The following KIF21B variants were observed in gnomAD, a reference collection of about 807,000 sequenced individuals.
KIF21B encodes kinesin-like protein KIF21B.
A neutral mutation model predicts 192.9 loss-of-function variants in KIF21B; 85 were observed. That is an observed-to-expected ratio of 0.44 (90% CI 0.37 to 0.53). The LOEUF (loss-of-function observed/expected upper bound fraction) is 0.53, where lower values mean the gene tolerates loss of function less well. KIF21B is among the 20% of genes least tolerant of loss of function. The pLI is 0.00. For synonymous variants in KIF21B, 832 were observed against 884.6 expected, an observed-to-expected ratio of 0.94 and a Z score of 1.05; for missense variants, 1,716 against 2,194.8, an observed-to-expected ratio of 0.78 and a Z score of 4.36.
At position 200,975,495 on chromosome 1, in the gene KIF21B, C is replaced by A; in HGVS notation, c.4614+4G>T. 1 of 1,607,938 alleles carries A rather than the reference C, an allele frequency of 6.2e-7. No homozygotes were observed. The highest frequency in any genetic ancestry group is 8.5e-7 in the Non-Finnish European group (1 of 1,175,244). Reference sequence around the variant, plus strand: ...CTACCCTCTCCCTTTCCTCCTGACCCCACCTGGATGAGCTCCTGCTGGTCT... The same window carrying A: ...CTACCCTCTCCCTTTCCTCCTGACCACACCTGGATGAGCTCCTGCTGGTCT... On this transcript the variant is annotated splice_donor_region_variant and intron_variant, in intron 33 of 34. Coordinates refer to ENST00000461742, the MANE Select transcript of KIF21B (RefSeq NM_001252102.2). This position sits in a 1 kb window ranked among gnomAD's most constrained non-coding sequence, Gnocchi z 4.3.
In KIF21B at chr1:200,990,412, C is replaced by A; in HGVS notation, c.2836-80G>T. The A allele has an allele frequency of 6.7e-7, 1 of 1,495,086 alleles. No individual in the cohort carries two copies. The highest frequency in any genetic ancestry group is 1.2e-5 in the South Asian group (1 of 80,102). 92.6% of individuals were successfully genotyped at this position (1,495,086 alleles called of 1,614,324 possible). ...GCCAAGCCCTGCCCATAGCTTCCAC[C>A]ACAGGCTGGCCTGTGAGGTCCCCCC... On this transcript the variant is annotated intron_variant, in intron 19 of 34. Transcript: ENST00000461742. The surrounding 1 kb of genome is among the most constrained non-coding windows in gnomAD (Gnocchi z 5.4).
chr1:200,996,275 C>T lies in KIF21B; in HGVS notation c.2198G>A (p.Arg733Gln), dbSNP rs770880854. The T allele has an allele frequency of 3.1e-6, 5 of 1,614,118 alleles. No individual in the cohort carries two copies. Among genetic ancestry groups the T allele is most frequent in the East Asian group, 2.2e-5 (1 of 44,886 alleles). ...KLQAAQKEHA[R>Q]LLKNQSRYER... ...GTAGCGCGACTGGTTCTTAAGCAGC[C>T]GGGCGTGCTCTTTCTGGGCGGCCTG... The change falls in exon 15 of 35, where the codon CGG (arginine) becomes CAG (glutamine). Residue 733 changes from arginine to glutamine, a missense_variant. Arg to Gln is a conservative substitution (Grantham distance 43). Coordinates refer to ENST00000461742, the MANE Select transcript of KIF21B (RefSeq NM_001252102.2).
Position 200,979,526 on chromosome 1 carries a change from G to C in KIF21B, c.4160+9C>G. ...GCCGACCACTGTGAGGCAGGCGGGG[G>C]TTACTCACGTGAGAGTCCGAATGCA... is the stretch of plus-strand genomic sequence containing the variant. On this transcript the variant is annotated intron_variant, in intron 30 of 34. Coordinates refer to ENST00000461742, the MANE Select transcript of KIF21B (RefSeq NM_001252102.2). 1 of 1,523,200 alleles carries C rather than the reference G, an allele frequency of 6.6e-7. No homozygotes were observed. The highest frequency in any genetic ancestry group is 8.8e-7 in the Non-Finnish European group (1 of 1,132,356). The allele number at this position is 1,523,200 out of a possible 1,614,324, so 94.4% of individuals were successfully genotyped here. A position where few individuals can be genotyped will look rare whatever the true frequency, so the allele number is the denominator to read the frequency against.
At chr1:201,012,802 C>T (rs912946317) in intron 1 of KIF21B, among the ~76,000 whole-genome samples, 3 of 152,122 alleles carry the variant, frequency 2.0e-5, no homozygotes, top group Non-Finnish European at 4.4e-5. Context: ...CACCATCATG[C>T]CCATCTAATT....
At position 200,969,661 on chromosome 1, in the gene KIF21B, C is replaced by T. The variant is rs746674263; in HGVS notation, c.*3860G>A. 4 of 152,512 alleles carry T rather than the reference C, an allele frequency of 2.6e-5. No homozygotes were observed. The highest frequency in any genetic ancestry group is 4.4e-5 in the Non-Finnish European group (3 of 68,090). The allele number at this position is 152,512 out of a possible 1,614,324, so 9.4% of individuals were successfully genotyped here. A position where few individuals can be genotyped will look rare whatever the true frequency, so the allele number is the denominator to read the frequency against. ...CATCTCAGGGGTCTTCTCTGATCCT[C>T]GGCTCTTTGTGGAGGAGTTTCTATT... is the stretch of plus-strand genomic sequence containing the variant. On this transcript the variant is annotated 3_prime_UTR_variant, in exon 35 of 35. Coordinates refer to ENST00000461742, the MANE Select transcript of KIF21B (RefSeq NM_001252102.2).
chr1:200,988,213 G>T, intron 24 of KIF21B, 83 bp downstream of exon 24: 1 of 1,316,790 alleles, frequency 7.6e-7, no homozygotes, highest in Non-Finnish European at 1.1e-6. Context: ...GCTGAGGGTG[G>T]AGCAGAGCCA....
rs1656721812 is a variant in KIF21B, at chr1:200,991,837, C to T, written c.2386-112G>A. On this transcript the variant is annotated intron_variant, in intron 16 of 34. Transcript: ENST00000461742. ...AAAGCCTGGGCTTCAGGGTGATTCT[C>T]ATGCAGCCAAACTCTTGATAAAGTG... 1.5e-5 allele frequency: 16 copies of T among 1,096,308 alleles called. No individual in the cohort carries two copies. In the South Asian group the frequency reaches 2.3e-4, roughly 15 times the overall value. 67.9% of individuals were successfully genotyped at this position (1,096,308 alleles called of 1,614,324 possible). A position where few individuals can be genotyped will look rare whatever the true frequency, so the allele number is the denominator to read the frequency against.
At chr1:201,018,189 G>C (rs563192405) in intron 1 of KIF21B, among the ~76,000 whole-genome samples, 1 of 152,332 alleles carries the variant, frequency 6.6e-6, no homozygotes, top group African/African-American at 2.4e-5. Context: ...TCCGCCCTTT[G>C]GTGTGTGTGA....
chr1:201,023,619 T>C lies in KIF21B; in HGVS notation c.-236A>G, dbSNP rs1571984019. 6.6e-6 allele frequency: 1 copy of C among 150,434 alleles called. No homozygotes were observed. The highest frequency in any genetic ancestry group is 1.5e-5 in the Non-Finnish European group (1 of 67,520). 9.3% of individuals were successfully genotyped at this position (150,434 alleles called of 1,614,324 possible). A position where few individuals can be genotyped will look rare whatever the true frequency, so the allele number is the denominator to read the frequency against. ...GCGCCATCGGGCGGCGGCGCGGAGC[T>C]AGCTGACAGCCGGCGGCGCGACCCG... On this transcript the variant is annotated 5_prime_UTR_variant, in exon 1 of 35. Coordinates refer to ENST00000461742, the MANE Select transcript of KIF21B (RefSeq NM_001252102.2). This position sits in a 1 kb window ranked among gnomAD's most constrained non-coding sequence, Gnocchi z 5.9.
In KIF21B at chr1:201,020,808, TAC is replaced by T. The variant is rs60686711; in HGVS notation, c.41+2533_41+2534del. Among the ~76,000 whole-genome samples the T allele has an allele frequency of 8.5e-3, 1,206 of 142,582 alleles. 8 individuals carry two copies. The highest frequency in any genetic ancestry group is 0.016 in the African/African-American group (608 of 37,210). The allele number at this position is 142,582 out of a possible 152,430, so 93.5% of individuals were successfully genotyped here. ...TAATAGCCCTGGGACCTCTCTCCTC[TAC>T]ACACACACACACACACACACACACA... is the stretch of plus-strand genomic sequence containing the variant. On this transcript the variant is annotated intron_variant, in intron 1 of 34. Transcript: ENST00000461742.
chr1:200,977,625 A>G (rs1571910316), intron 30 of KIF21B, among the ~76,000 whole-genome samples: 1 of 152,090 alleles, frequency 6.6e-6, no homozygotes, highest in African/African-American at 2.4e-5. Context: ...GAAAGATGGT[A>G]AGGCTCAGTC....
At chr1:200,973,638 TG>T in intron 34 of KIF21B, 60 bp from the exon 35 acceptor site, 1 of 1,520,272 alleles carries the variant, frequency 6.6e-7, no homozygotes, top group Non-Finnish European at 8.8e-7. Context: ...CTTGGCTGGC[TG>T]CCCCCAAAAG....
At position 200,971,410 on chromosome 1, in the gene KIF21B, T is replaced by C. The variant is rs1655204365; in HGVS notation, c.*2111A>G. On this transcript the variant is annotated 3_prime_UTR_variant, in exon 35 of 35. Transcript: ENST00000461742. The stretch of plus-strand genomic sequence containing the variant: ...GCAAGAACACGCCTTGCAGCTACAG[T>C]GCAGTCACCCCAGGTGGGGCATCCC... 6.6e-6 allele frequency: 1 copy of C among 152,624 alleles called. No individual in the cohort carries two copies. The highest frequency in any genetic ancestry group is 1.5e-5 in the Non-Finnish European group (1 of 68,080). The allele number at this position is 152,624 out of a possible 1,614,324, so 9.5% of individuals were successfully genotyped here. A position where few individuals can be genotyped will look rare whatever the true frequency, so the allele number is the denominator to read the frequency against.
At chr1:201,004,176 T>C (rs1429291364) in intron 7 of KIF21B, among the ~76,000 whole-genome samples, 164 bp downstream of exon 7, 1 of 152,222 alleles carries the variant, frequency 6.6e-6, no homozygotes, top group Non-Finnish European at 1.5e-5. Flanking sequence ...CATAGCTGCC[T>C]GAAGGTCATA....
intron 1 of KIF21B, among the ~76,000 whole-genome samples, chr1:201,012,274 G>T (rs1658276303): frequency 6.6e-6 from 1 of 152,202 alleles, no homozygotes; most frequent in South Asian, 2.1e-4. Flanking sequence ...ACTGATACTG[G>T]CTGGGAGACA....
chr1:201,002,747 C>A (rs574644924), intron 8 of KIF21B: 38 of 178,614 alleles, frequency 2.1e-4, no homozygotes, highest in African/African-American at 7.5e-4. Context: ...CTAAGAGAGT[C>A]CCAGACTCAG....
chr1:200,981,129 G>A (rs762853785), intron 28 of KIF21B, 33 bp from the exon 29 acceptor site: 53 of 1,568,968 alleles, frequency 3.4e-5, no homozygotes, highest in Admixed American at 6.1e-5. Context: ...AGGCATGCTC[G>A]TCAGCCAGGG....
At chr1:201,008,138 G>C (rs184837892) in intron 3 of KIF21B, among the ~76,000 whole-genome samples, 119 of 152,298 alleles carry the variant, frequency 7.8e-4, no homozygotes, top group Middle Eastern at 3.4e-3. Flanking sequence ...CTTACTGAGT[G>C]GGGGCTCAGC....
At position 201,000,338 on chromosome 1, in the gene KIF21B, T is replaced by C; in HGVS notation, c.1685+52A>G. The C allele has an allele frequency of 6.7e-7, 1 of 1,489,968 alleles. No individual in the cohort carries two copies. 92.3% of individuals were successfully genotyped at this position (1,489,968 alleles called of 1,614,324 possible). A position where few individuals can be genotyped will look rare whatever the true frequency, so the allele number is the denominator to read the frequency against. ...CAGTCCTCCTTGGGGACGGGCAGGG[T>C]CCACTGGGGCGGTCTGAGGGCTCTC... On this transcript the variant is annotated intron_variant, in intron 11 of 34. Coordinates refer to ENST00000461742, the MANE Select transcript of KIF21B (RefSeq NM_001252102.2). The surrounding 1 kb of genome is among the most constrained non-coding windows in gnomAD (Gnocchi z 6.0).
Sources: gnomAD v4.1 joint callset for allele counts (sites outside exome capture counted in the v4.1 genomes callset) on GRCh38, gnomAD v4.1.1 for gene constraint, Gnocchi (gnomAD v3.1) non-coding constraint, MANE v1.5 for transcripts, NCBI Gene and HGNC (gene_info 2026-07-23, HGNC 2026-07-21) for gene names.